TTBK1: variants seen among roughly 807,000 people sequenced by gnomAD.
TTBK1 encodes tau-tubulin kinase 1.
TTBK1 carries 34 observed loss-of-function variants against 108.5 expected under a neutral mutation model. That is an observed-to-expected ratio of 0.31 (90% CI 0.24 to 0.42). The LOEUF is 0.42. TTBK1 is among the 10% of genes least tolerant of loss of function. The pLI, the probability that TTBK1 is intolerant of heterozygous loss-of-function variation, is 1.00. For missense variants in TTBK1, 1,539 were observed against 1,826.0 expected (o/e 0.84, Z 2.86); for synonymous variants, 809 against 795.1 (o/e 1.02, Z -0.29).
intron 2 of TTBK1, among the ~76,000 whole-genome samples, chr6:43,251,379 G>GC (rs1259341190): frequency 6.6e-6 from 1 of 152,192 alleles, no homozygotes; most frequent in Non-Finnish European, 1.5e-5. Flanking sequence ...GAGCGGACAG[G>GC]CCCCCAGTGA....
rs569420902 is a variant in TTBK1, at chr6:43,265,755, G to C, written c.1986+2405G>C. On this transcript the variant is annotated intron_variant, in intron 13 of 14. Coordinates refer to ENST00000259750, the MANE Select transcript of TTBK1 (RefSeq NM_032538.3). This position sits in a 1 kb window ranked among gnomAD's most constrained non-coding sequence, Gnocchi z 4.1. Reference sequence around the variant, plus strand: ...GAGTCTAGGGAGGGTGACAGACAGTGTCAAGAGAGAGCCGAGAATTAAAGT... The same window carrying C: ...GAGTCTAGGGAGGGTGACAGACAGTCTCAAGAGAGAGCCGAGAATTAAAGT... Among the ~76,000 whole-genome samples, 52 of 152,308 alleles carry C rather than the reference G, an allele frequency of 3.4e-4. 1 individual carries two copies. The South Asian group carries it at 4.1e-3, about 12-fold the overall frequency.
intron 2 of TTBK1, among the ~76,000 whole-genome samples, chr6:43,251,155 A>G (rs188238697): frequency 6.9e-4 from 105 of 152,188 alleles, no homozygotes; most frequent in African/African-American, 1.5e-3. Context: ...AGTGAGTTCA[A>G]TGGTAACCTG....
intron 7 of TTBK1, among the ~76,000 whole-genome samples, chr6:43,255,316 C>T (rs1397683254): frequency 6.6e-6 from 1 of 152,114 alleles, no homozygotes; most frequent in African/African-American, 2.4e-5. Flanking sequence ...CCCATCCTCT[C>T]TGTTCTCACT....
Position 43,263,230 on chromosome 6 carries a change from G to T in TTBK1, c.1866G>T (p.Gln622His). The change falls in exon 13 of 15, where the codon CAG becomes CAT. Residue 622 changes from glutamine to histidine, a missense_variant. Gln to His is a conservative substitution (Grantham distance 24). Transcript: ENST00000259750. This position sits in a 1 kb window ranked among gnomAD's most constrained non-coding sequence, Gnocchi z 4.7. ...AGCCCCTGCCACCCCAGCTGAGCCA[G>T]GGCGATGGCCGTTCCGAGACGTCAC... ...PPQPLPPQLS[Q>H]GDGRSETSQP... The T allele has an allele frequency of 6.3e-7, 1 of 1,574,874 alleles. No individual in the cohort carries two copies. Among genetic ancestry groups the T allele is most frequent in the East Asian group, 2.3e-5 (1 of 43,196 alleles).
rs1777988567 is a variant in TTBK1 at position 43,276,126 on chromosome 6, G to A, written c.1987-6601G>A. On this transcript the variant is annotated intron_variant, in intron 13 of 14. Transcript: ENST00000259750. The surrounding 1 kb of genome is among the most constrained non-coding windows in gnomAD (Gnocchi z 5.4). ...CTCGCGGAGGTCCTGAGTCCCAGTC[G>A]GTTTATTCCTGAGCCTTCCCCTCCC... Among the ~76,000 whole-genome samples, 1 of 152,062 alleles carries A rather than the reference G, an allele frequency of 6.6e-6. No homozygotes were observed. The highest frequency in any genetic ancestry group is 1.5e-5 in the Non-Finnish European group (1 of 68,016).
chr6:43,271,763 A>G (rs1777840680), intron 13 of TTBK1: 1 of 929,980 alleles, frequency 1.1e-6, no homozygotes, highest in African/African-American at 1.9e-5. Flanking sequence ...TTGTAAGTCT[A>G]TTTATTTATT....
rs1039787927 is a variant in TTBK1, at chr6:43,269,385, T to C, written c.1986+6035T>C. Among the ~76,000 whole-genome samples, 2 of 152,178 alleles carry C rather than the reference T, an allele frequency of 1.3e-5. No homozygotes were observed. Among genetic ancestry groups the C allele is most frequent in the Non-Finnish European group, 2.9e-5 (2 of 68,024 alleles). ...GCTTCTCGGAGGAGGTGAGTGACCA[T>C]GGTCTCCTTGCAGAGACCATAGTGT... is the stretch of plus-strand genomic sequence containing the variant. On this transcript the variant is annotated intron_variant, in intron 13 of 14. Coordinates refer to ENST00000259750, the MANE Select transcript of TTBK1 (RefSeq NM_032538.3). The surrounding 1 kb of genome is among the most constrained non-coding windows in gnomAD (Gnocchi z 4.8).
intron 13 of TTBK1, chr6:43,271,629 G>A: frequency 1.0e-6 from 1 of 985,372 alleles, no homozygotes; most frequent in Non-Finnish European, 1.2e-6. Flanking sequence ...GGTGCCATAA[G>A]TGTGGTGGGC....
Position 43,283,356 on chromosome 6 carries a change from C to A in TTBK1, c.2616C>A (p.Pro872=). The A allele has an allele frequency of 6.3e-7, 1 of 1,595,334 alleles. No homozygotes were observed. The part of the protein sequence containing the change: ...LAALTPQHER[P]QPTGSQLDVS... ...CCCTCACTCCTCAGCATGAGCGGCC[C>A]CAGCCCACGGGCAGCCAGCTGGACG... Residue 872 remains proline (P), a synonymous_variant, in exon 14 of 15, where the codon CCC becomes CCA. Transcript: ENST00000259750. The surrounding 1 kb of genome is among the most constrained non-coding windows in gnomAD (Gnocchi z 8.1).
intron 13 of TTBK1, among the ~76,000 whole-genome samples, chr6:43,266,524 A>G (rs2150698878): frequency 6.6e-6 from 1 of 152,322 alleles, no homozygotes; most frequent in African/African-American, 2.4e-5. Context: ...GCTGGTGACC[A>G]CCAGCTGGTA....
In TTBK1 at chr6:43,255,659, G is replaced by T; in HGVS notation, c.735+15G>T. The T allele has an allele frequency of 6.2e-7, 1 of 1,614,160 alleles. No individual in the cohort carries two copies. The highest frequency in any genetic ancestry group is 8.5e-7 in the Non-Finnish European group (1 of 1,180,014). ...TCAAGGACAAGGTGAGCCCCAGGCA[G>T]CTGGGTCTGAGGTGGCAGAAGGAGT... On this transcript the variant is annotated intron_variant, in intron 8 of 14. Coordinates refer to ENST00000259750, the MANE Select transcript of TTBK1 (RefSeq NM_032538.3).
chr6:43,268,323 G>A (rs1208298975), intron 13 of TTBK1, among the ~76,000 whole-genome samples: 1 of 152,228 alleles, frequency 6.6e-6, no homozygotes, highest in African/African-American at 2.4e-5. Context: ...CCTTGGTGCA[G>A]ATGGGACTAG....
rs1025381746 is a variant in TTBK1 at position 43,269,958 on chromosome 6, C to T, written c.1986+6608C>T. 2.2e-6 allele frequency: 3 copies of T among 1,358,946 alleles called. No homozygotes were observed. Among genetic ancestry groups the T allele is most frequent in the Non-Finnish European group, 1.9e-6 (2 of 1,043,832 alleles). 84.2% of individuals were successfully genotyped at this position (1,358,946 alleles called of 1,614,324 possible). On this transcript the variant is annotated intron_variant, in intron 13 of 14. Coordinates refer to ENST00000259750, the MANE Select transcript of TTBK1 (RefSeq NM_032538.3). The surrounding 1 kb of genome is among the most constrained non-coding windows in gnomAD (Gnocchi z 4.8). ...GTTCACCCACAAGACCTAGGCTGGG[C>T]CCCCCCCCTCCTGGAGGGGGCAGGT... is the stretch of plus-strand genomic sequence containing the variant.
chr6:43,274,881 G>A (rs1388913525), intron 13 of TTBK1, among the ~76,000 whole-genome samples: 1 of 152,104 alleles, frequency 6.6e-6, no homozygotes, highest in East Asian at 1.9e-4. Flanking sequence ...AATGAGGGGT[G>A]GGGAAGGGGT....
chr6:43,254,426 G>A (rs1362575869), intron 5 of TTBK1, 121 bp from the exon 6 acceptor site: 3 of 640,102 alleles, frequency 4.7e-6, no homozygotes, highest in Non-Finnish European at 8.0e-6. Context: ...ACGTTTCCTT[G>A]CGGGCGAGTG....
chr6:43,286,726 T>C lies in TTBK1; in HGVS notation c.*1350T>C, dbSNP rs1347050213. ...ACTCCAGGAATGGATGTGGGGACTCTTCCTGGGTTCTGGCTCCTGCATAGC... is the reference window on the plus strand; with the variant it reads ...ACTCCAGGAATGGATGTGGGGACTCCTCCTGGGTTCTGGCTCCTGCATAGC... On this transcript the variant is annotated 3_prime_UTR_variant, in exon 15 of 15. Transcript: ENST00000259750. The surrounding 1 kb of genome is among the most constrained non-coding windows in gnomAD (Gnocchi z 4.6). 6.6e-6 allele frequency: 1 copy of C among 152,586 alleles called. No individual in the cohort carries two copies. Among genetic ancestry groups the C allele is most frequent in the African/African-American group, 2.4e-5 (1 of 41,460 alleles). 9.5% of individuals were successfully genotyped at this position (152,586 alleles called of 1,614,324 possible). A position where few individuals can be genotyped will look rare whatever the true frequency, so the allele number is the denominator to read the frequency against.
intron 10 of TTBK1, 103 bp from the exon 11 acceptor site, chr6:43,258,935 C>A: frequency 1.3e-6 from 1 of 795,352 alleles, no homozygotes. Flanking sequence ...CCTCTGTGCC[C>A]GCTCCTGGGG....
intron 7 of TTBK1, 106 bp from the exon 8 acceptor site, chr6:43,255,446 C>A: frequency 9.6e-7 from 1 of 1,046,772 alleles, no homozygotes; most frequent in South Asian, 1.4e-5. Context: ...TCCTTAGGGG[C>A]CTGGGTGTCA....
At chr6:43,280,965 G>A (rs1051686934) in intron 13 of TTBK1, among the ~76,000 whole-genome samples, 2 of 152,178 alleles carry the variant, frequency 1.3e-5, no homozygotes, top group African/African-American at 2.4e-5. Flanking sequence ...ATCGGAATGC[G>A]TGGAGTGTAG....
Sources: gnomAD v4.1 joint callset for allele counts (sites outside exome capture counted in the v4.1 genomes callset) on GRCh38, gnomAD v4.1.1 for gene constraint, Gnocchi (gnomAD v3.1) non-coding constraint, MANE v1.5 for transcripts, NCBI Gene and HGNC (gene_info 2026-07-23, HGNC 2026-07-21) for gene names.